Variants in LECT2 observed in about 807,000 individuals in gnomAD.
LECT2 encodes the protein leukocyte cell-derived chemotaxin-2.
Under a neutral mutation model 16.6 loss-of-function variants are expected in LECT2, and 11 were observed. That is an observed-to-expected ratio of 0.66 (90% CI 0.42 to 1.09). LECT2 has a LOEUF of 1.09. LECT2 is among the 50% of genes least tolerant of loss of function. The pLI, the probability that LECT2 is intolerant of heterozygous loss-of-function variation, is 0.00. For synonymous variants in LECT2, 54 were observed against 64.8 expected, an observed-to-expected ratio of 0.83 and a Z score of 0.80; for missense variants, 173 against 184.2, an observed-to-expected ratio of 0.94 and a Z score of 0.35.
At chr5:135,954,639 C>T (rs917595352) in intron 1 of LECT2, 149 bp downstream of exon 1, 1 of 626,650 alleles carries the variant, frequency 1.6e-6, no homozygotes, top group Non-Finnish European at 2.9e-6. Context: ...TCCTCAGGAC[C>T]ATGTGTCATT....
At position 135,947,205 on chromosome 5, in the gene LECT2, G is replaced by C; in HGVS notation, c.*126C>G. ...TGCAATGTGTAATAATCATGTCATG[G>C]AAAATGGGGTATCCATCCCTTCATG... is the stretch of plus-strand genomic sequence containing the variant. On this transcript the variant is annotated 3_prime_UTR_variant, in exon 4 of 4. Transcript: ENST00000274507. 2.4e-6 allele frequency: 2 copies of C among 816,734 alleles called. No individual in the cohort carries two copies. Among genetic ancestry groups the C allele is most frequent in the Non-Finnish European group, 3.9e-6 (2 of 509,904 alleles). 50.6% of individuals were successfully genotyped at this position (816,734 alleles called of 1,614,324 possible). A position where few individuals can be genotyped will look rare whatever the true frequency, so the allele number is the denominator to read the frequency against.
At chr5:135,948,239 T>TA (rs766035696) in intron 3 of LECT2, among the ~76,000 whole-genome samples, 5 of 152,176 alleles carry the variant, frequency 3.3e-5, no homozygotes, top group African/African-American at 4.8e-5. Context: ...ACAATGAAGA[T>TA]ATAACAGTTA....
At chr5:135,952,820 A>G (rs1272615959) in intron 2 of LECT2, 51 bp downstream of exon 2, 1 of 1,365,502 alleles carries the variant, frequency 7.3e-7, no homozygotes, top group African/African-American at 1.4e-5. Flanking sequence ...GGACACTAAG[A>G]AAAGAGGTTA....
chr5:135,953,154 T>C, intron 1 of LECT2, 187 bp from the exon 2 acceptor site: 1 of 559,274 alleles, frequency 1.8e-6, no homozygotes, highest in Non-Finnish European at 3.2e-6. Context: ...AAATTGGCTT[T>C]TTCCCTGGCC....
intron 3 of LECT2, among the ~76,000 whole-genome samples, chr5:135,949,333 A>G (rs888386684): frequency 6.6e-6 from 1 of 152,248 alleles, no homozygotes; most frequent in African/African-American, 2.4e-5. Flanking sequence ...TTGCCAAGGC[A>G]GTCTGAAAGA....
intron 3 of LECT2, 193 bp downstream of exon 3, chr5:135,951,030 A>G: frequency 1.7e-6 from 1 of 601,368 alleles, no homozygotes; most frequent in Admixed American, 2.9e-5. Flanking sequence ...AAATGTGCAC[A>G]TGTACCCCTG....
intron 3 of LECT2, 112 bp from the exon 4 acceptor site, chr5:135,947,609 G>T: frequency 8.6e-7 from 1 of 1,168,100 alleles, no homozygotes; most frequent in Admixed American, 3.1e-5. Flanking sequence ...ATGAACTCAG[G>T]AGAGGAATAG....
chr5:135,948,564 T>C (rs564776188), intron 3 of LECT2, among the ~76,000 whole-genome samples: 7 of 151,996 alleles, frequency 4.6e-5, no homozygotes, highest in Non-Finnish European at 8.8e-5. Context: ...ATTTTTGTAT[T>C]ACATATTGAT....
intron 1 of LECT2, among the ~76,000 whole-genome samples, chr5:135,954,502 T>C (rs1763834094): frequency 6.6e-6 from 1 of 152,244 alleles, no homozygotes; most frequent in Admixed American, 6.5e-5. Context: ...CTTTTTATTA[T>C]CTAGTTTTGT....
At chr5:135,950,509 A>G (rs779506219) in intron 3 of LECT2, among the ~76,000 whole-genome samples, 41 of 152,194 alleles carry the variant, frequency 2.7e-4, no homozygotes, top group Non-Finnish European at 5.1e-4. Context: ...TTGGGTGCTG[A>G]TTACACAGGT....
In LECT2 at chr5:135,951,343, C is replaced by A. The variant is rs1011415332; in HGVS notation, c.169G>T (p.Asp57Tyr). 1 of 1,613,776 alleles carries A rather than the reference C, an allele frequency of 6.2e-7. No homozygotes were observed. The highest frequency in any genetic ancestry group is 8.5e-7 in the Non-Finnish European group (1 of 1,179,810). Residue 57 changes from aspartate to tyrosine, a missense_variant, in exon 3 of 4, where the codon GAC becomes TAC. Asp to Tyr is a radical substitution (Grantham distance 160). Transcript: ENST00000274507. ...QRSQRPHQGV[D>Y]ILCSAGSTVY... is the part of the protein sequence containing the mutation. ...GTAGATCCAGCAGAGCACAAGATGTCCACACCCTGGTGAGGCCTCTGACTT... is the reference window on the plus strand; with the variant it reads ...GTAGATCCAGCAGAGCACAAGATGTACACACCCTGGTGAGGCCTCTGACTT...
chr5:135,949,226 A>G (rs777021132), intron 3 of LECT2, among the ~76,000 whole-genome samples: 5 of 152,242 alleles, frequency 3.3e-5, no homozygotes, highest in East Asian at 1.9e-4. Context: ...TTTGATCTGT[A>G]TATTTACTGC....
At chr5:135,952,787 T>C (rs1763813186) in intron 2 of LECT2, 84 bp downstream of exon 2, 5 of 905,192 alleles carry the variant, frequency 5.5e-6, no homozygotes, top group Non-Finnish European at 9.1e-6. Context: ...CTGTGAGCCC[T>C]TGAGGCAACC....
chr5:135,950,847 G>A (rs551256125), intron 3 of LECT2: 16 of 277,620 alleles, frequency 5.8e-5, no homozygotes, highest in Non-Finnish European at 7.4e-5. Context: ...GTGGGGTTTC[G>A]TGAAGTGTGT....
At position 135,951,329 on chromosome 5, in the gene LECT2, A is replaced by G. The variant is rs1230257265; in HGVS notation, c.183T>C (p.Ser61=). The change falls in exon 3 of 4, where the codon TCT becomes TCC. Residue 61 remains serine, a synonymous_variant. Coordinates refer to ENST00000274507, the MANE Select transcript of LECT2 (RefSeq NM_002302.3). ...ATGGTGCGTACACAGTAGATCCAGC[A>G]GAGCACAAGATGTCCACACCCTGGT... ...RPHQGVDILC[S]AGSTVYAPFT... The G allele has an allele frequency of 1.9e-6, 3 of 1,614,042 alleles. No individual in the cohort carries two copies. The highest frequency in any genetic ancestry group is 1.7e-5 in the Admixed American group (1 of 60,018).
chr5:135,954,638 C>G, intron 1 of LECT2, 150 bp downstream of exon 1: 1 of 627,136 alleles, frequency 1.6e-6, no homozygotes, highest in South Asian at 2.0e-5. Context: ...ATCCTCAGGA[C>G]CATGTGTCAT....
At chr5:135,953,000 G>A (rs753358856) in intron 1 of LECT2, 33 bp from the exon 2 acceptor site, 3 of 1,442,372 alleles carry the variant, frequency 2.1e-6, no homozygotes, top group Non-Finnish European at 2.9e-6. Flanking sequence ...CAGAGCTCCT[G>A]GCCTCAGACA....
rs1763840724 is a variant in LECT2 at position 135,954,948 on chromosome 5, T to C, written c.-115A>G. ...AGCTATTTAGCCTTAGAATTCTGCA[T>C]CTCTCATTTCTTTAGTGTGAGACAC... On this transcript the variant is annotated 5_prime_UTR_variant, in exon 1 of 4. The change abolishes an upstream ATG in the 5' untranslated region. Coordinates refer to ENST00000274507, the MANE Select transcript of LECT2 (RefSeq NM_002302.3). The C allele has an allele frequency of 6.6e-6, 5 of 763,078 alleles. No homozygotes were observed. The highest frequency in any genetic ancestry group is 1.1e-5 in the Non-Finnish European group (5 of 449,490). 47.3% of individuals were successfully genotyped at this position (763,078 alleles called of 1,614,324 possible).
At chr5:135,950,927 GA>G (rs1442902168) in intron 3 of LECT2, 3 of 421,302 alleles carry the variant, frequency 7.1e-6, no homozygotes, top group South Asian at 7.8e-5. Flanking sequence ...GAGAGGATCA[GA>G]AAAAAATATC....
Sources: gnomAD v4.1 joint callset for allele counts (sites outside exome capture counted in the v4.1 genomes callset) on GRCh38, gnomAD v4.1.1 for gene constraint, MANE v1.5 for transcripts, NCBI Gene and HGNC (gene_info 2026-07-23, HGNC 2026-07-21) for gene names.